ADGRB3: variants seen among roughly 807,000 people sequenced by gnomAD.
ADGRB3 encodes the protein brain-specific angiogenesis inhibitor 3.
A neutral mutation model predicts 193.4 loss-of-function variants in ADGRB3; 37 were observed. That is an observed-to-expected ratio of 0.19 (90% CI 0.15 to 0.25). The LOEUF is 0.25. Among genes scored for constraint, ADGRB3 ranks in the 10% least tolerant of loss-of-function variants. The pLI, the probability that ADGRB3 is intolerant of heterozygous loss-of-function variation, is 1.00. For missense variants in ADGRB3, 1,637 were observed against 1,852.9 expected, an observed-to-expected ratio of 0.88 and a Z score of 2.14; for synonymous variants, 690 against 644.2, an observed-to-expected ratio of 1.07 and a Z score of -1.08.
At chr6:69,258,086 C>A (rs568668111) in intron 20 of ADGRB3, among the ~76,000 whole-genome samples, 1 of 151,900 alleles carries the variant, frequency 6.6e-6, no homozygotes, top group Non-Finnish European at 1.5e-5. Context: ...CTGCAGCTAG[C>A]GATATAAAGA....
intron 16 of ADGRB3, among the ~76,000 whole-genome samples, chr6:69,063,529 T>A (rs1771811708): frequency 1.3e-5 from 2 of 151,928 alleles, no homozygotes; most frequent in Non-Finnish European, 2.9e-5. Flanking sequence ...AAAGAAAAAA[T>A]TTAAGTTGCA....
chr6:68,977,281 T>G (rs1041890682), intron 10 of ADGRB3, among the ~76,000 whole-genome samples: 2 of 151,858 alleles, frequency 1.3e-5, no homozygotes, highest in African/African-American at 4.8e-5. Context: ...TAAGTAAAAA[T>G]GTATAAATTA....
intron 20 of ADGRB3, among the ~76,000 whole-genome samples, chr6:69,318,836 GTA>G (rs1458996791): frequency 7.0e-6 from 1 of 143,716 alleles, no homozygotes. Context: ...AAGGGTGTGT[GTA>G]TATATATATA....
At chr6:69,109,994 C>A (rs1251362461) in intron 17 of ADGRB3, among the ~76,000 whole-genome samples, 1 of 144,684 alleles carries the variant, frequency 6.9e-6, no homozygotes, top group East Asian at 2.0e-4. Flanking sequence ...ATCACCCAGG[C>A]TAGAGTACAG....
chr6:68,746,004 G>A (rs1231150630), intron 3 of ADGRB3, among the ~76,000 whole-genome samples: 4 of 151,966 alleles, frequency 2.6e-5, no homozygotes, highest in Non-Finnish European at 4.4e-5. Flanking sequence ...AATTGCTACA[G>A]TAAACAACTG....
chr6:68,638,055 G>A lies in ADGRB3; in HGVS notation c.-16+493G>A, dbSNP rs893620419. Reference sequence around the variant, plus strand: ...GGAATTTCTGAGCAGTTCACATGGTGGCCCCTGCAAAGGCAAGTGGGGCAT... The same window carrying A: ...GGAATTTCTGAGCAGTTCACATGGTAGCCCCTGCAAAGGCAAGTGGGGCAT... On this transcript the variant is annotated intron_variant, in intron 2 of 31. Transcript: ENST00000370598. Among the ~76,000 whole-genome samples the A allele has an allele frequency of 3.3e-5, 5 of 152,192 alleles. No homozygotes were observed. In the East Asian group the frequency reaches 9.6e-4, roughly 29 times the overall value.
chr6:69,142,577 C>A (rs765658669), intron 17 of ADGRB3, among the ~76,000 whole-genome samples: 8 of 152,110 alleles, frequency 5.3e-5, no homozygotes, highest in Non-Finnish European at 1.0e-4. Context: ...AGGTCAAGGC[C>A]ACACAAGCCT....
chr6:68,875,423 G>A (rs1281659142), intron 3 of ADGRB3, among the ~76,000 whole-genome samples: 1 of 151,638 alleles, frequency 6.6e-6, no homozygotes. Flanking sequence ...GATAGAAACA[G>A]ATGTTTTCCC....
At chr6:69,381,115 G>A (rs954230958) in intron 30 of ADGRB3, among the ~76,000 whole-genome samples, 1 of 151,726 alleles carries the variant, frequency 6.6e-6, no homozygotes, top group African/African-American at 2.4e-5. Flanking sequence ...GTCTCCCAAA[G>A]GAAAGAATGT....
At chr6:68,809,225 T>C (rs941405083) in intron 3 of ADGRB3, among the ~76,000 whole-genome samples, 9 of 152,214 alleles carry the variant, frequency 5.9e-5, no homozygotes, top group Admixed American at 3.3e-4. Flanking sequence ...TTCACTGCTG[T>C]TGAAAGGTGC....
rs147067715 is a variant in ADGRB3, at chr6:68,784,292, A to C, written c.757+144860A>C. On this transcript the variant is annotated intron_variant, in intron 3 of 31. Transcript: ENST00000370598. ...CTCAAGTGGGCCTCTTGTGCAAACC[A>C]CTGTTACTTTTACACTTGATTTAGC... Among the ~76,000 whole-genome samples, 352 of 152,090 alleles carry C rather than the reference A, an allele frequency of 2.3e-3. 1 individual carries two copies. The highest frequency in any genetic ancestry group is 8.1e-3 in the African/African-American group (335 of 41,518).
intron 3 of ADGRB3, among the ~76,000 whole-genome samples, chr6:68,885,287 G>C (rs552634509): frequency 6.6e-6 from 1 of 152,070 alleles, no homozygotes; most frequent in African/African-American, 2.4e-5. Context: ...ATGATTAGAA[G>C]ATAGTTTGAT....
At chr6:68,824,225 A>ATTTCTG (rs960044794) in intron 3 of ADGRB3, among the ~76,000 whole-genome samples, 11 of 151,218 alleles carry the variant, frequency 7.3e-5, no homozygotes, top group Non-Finnish European at 1.5e-4. Context: ...TTAAACTTTT[A>ATTTCTG]TTTCTATTTC....
intron 17 of ADGRB3, among the ~76,000 whole-genome samples, chr6:69,124,886 A>ATTTTTTTTTT (rs60143202): frequency 6.7e-6 from 1 of 149,404 alleles, no homozygotes; most frequent in Non-Finnish European, 1.5e-5. Flanking sequence ...CAGTTTTGCC[A>ATTTTTTTTTT]TTTTTTTTTT....
chr6:68,903,490 G>A (rs1011596825), intron 3 of ADGRB3, among the ~76,000 whole-genome samples: 1 of 151,992 alleles, frequency 6.6e-6, no homozygotes, highest in Admixed American at 6.6e-5. Context: ...AAACATAAAT[G>A]AACTAATAAC....
intron 17 of ADGRB3, among the ~76,000 whole-genome samples, chr6:69,122,842 A>T (rs1025070998): frequency 6.6e-6 from 1 of 152,098 alleles, no homozygotes; most frequent in Non-Finnish European, 1.5e-5. Flanking sequence ...ACATACATAC[A>T]TACATACAAC....
rs192612262 is a variant in ADGRB3 at position 69,372,940 on chromosome 6, A to G, written c.4275+499A>G. On this transcript the variant is annotated intron_variant, in intron 30 of 31. Coordinates refer to ENST00000370598, the MANE Select transcript of ADGRB3 (RefSeq NM_001704.3). ...GATGCTTTTTTTTTCAGTAGAAACT[A>G]TTGATTCAATGTGCTCCTGTGTTTA... Among the ~76,000 whole-genome samples the G allele has an allele frequency of 2.2e-3, 330 of 151,912 alleles. 1 individual carries two copies. Among genetic ancestry groups the G allele is most frequent in the Non-Finnish European group, 1.8e-3 (122 of 67,886 alleles).
intron 20 of ADGRB3, among the ~76,000 whole-genome samples, chr6:69,258,046 A>T (rs1233260453): frequency 6.6e-6 from 1 of 152,200 alleles, no homozygotes; most frequent in East Asian, 1.9e-4. Context: ...CCCATTTGTC[A>T]GGAAAGAAGG....
rs569950098 is a variant in ADGRB3 at position 68,654,650 on chromosome 6, T to C, written c.757+15218T>C. On this transcript the variant is annotated intron_variant, in intron 3 of 31. Transcript: ENST00000370598. ...GCATTAAATGCTCACAAGCAGTCTA[T>C]GCATATATTATTTGAAAAGATAATC... is the stretch of plus-strand genomic sequence containing the variant. Among the ~76,000 whole-genome samples the C allele has an allele frequency of 3.1e-4, 47 of 152,012 alleles. No individual in the cohort carries two copies. The South Asian group carries it at 9.7e-3, about 31-fold the overall frequency.
Sources: gnomAD v4.1 joint callset for allele counts (sites outside exome capture counted in the v4.1 genomes callset) on GRCh38, gnomAD v4.1.1 for gene constraint, MANE v1.5 for transcripts, NCBI Gene and HGNC (gene_info 2026-07-23, HGNC 2026-07-21) for gene names.